The following RGS6 variants were observed in gnomAD, a reference collection of about 807,000 sequenced individuals.
RGS6 encodes regulator of G-protein signaling 6.
Under a neutral mutation model 78.5 loss-of-function variants are expected in RGS6, and 30 were observed. That is an observed-to-expected ratio of 0.38 (90% CI 0.29 to 0.52). The LOEUF is 0.52. RGS6 is among the 20% of genes least tolerant of loss of function. RGS6 has a pLI of 0.85. For synonymous variants in RGS6, 206 were observed against 206.0 expected, an observed-to-expected ratio of 1.00 and a Z score of 0.00; for missense variants, 495 against 609.7, an observed-to-expected ratio of 0.81 and a Z score of 1.98.
chr14:72,425,444 G>A (rs1405914901), intron 3 of RGS6, among the ~76,000 whole-genome samples: 1 of 152,092 alleles, frequency 6.6e-6, no homozygotes, highest in Non-Finnish European at 1.5e-5. Context: ...CGGCCAGAAG[G>A]GGAAAATCTT....
chr14:71,880,324 G>A, the RGS6 span, among the ~76,000 whole-genome samples: 6 of 152,248 alleles, frequency 3.9e-5, no homozygotes, highest in Non-Finnish European at 8.8e-5. Context: ...AGAAATTCAA[G>A]CCAGCTGCAG....
chr14:72,172,884 T>C (rs979222035), intron 2 of RGS6, among the ~76,000 whole-genome samples: 5 of 152,168 alleles, frequency 3.3e-5, no homozygotes, highest in Admixed American at 3.3e-4. Flanking sequence ...GGCTGAGCTA[T>C]GGTGACATTT....
intron 2 of RGS6, among the ~76,000 whole-genome samples, chr14:72,312,329 C>T (rs1045194748): frequency 1.3e-5 from 2 of 150,612 alleles, no homozygotes; most frequent in Non-Finnish European, 2.9e-5. Context: ...AAGAAATTCT[C>T]ATGCAGTTCT....
At chr14:72,232,870 C>G (rs925994537) in intron 2 of RGS6, among the ~76,000 whole-genome samples, 5 of 152,140 alleles carry the variant, frequency 3.3e-5, no homozygotes, top group Admixed American at 3.3e-4. Context: ...ATTGACTGCC[C>G]TGGGAGGGCC....
the RGS6 span, among the ~76,000 whole-genome samples, chr14:71,907,689 G>C: frequency 6.6e-6 from 1 of 152,248 alleles, no homozygotes; most frequent in East Asian, 1.9e-4. Context: ...GGTGGGAAAG[G>C]CAGATTCAAG....
intron 17 of RGS6, among the ~76,000 whole-genome samples, chr14:72,543,740 A>G (rs540768737): frequency 6.6e-6 from 1 of 152,208 alleles, no homozygotes; most frequent in South Asian, 2.1e-4. Context: ...TGAAATGCTC[A>G]CCCTCCCACT....
chr14:72,445,093 C>T (rs1405783724), intron 3 of RGS6, among the ~76,000 whole-genome samples: 1 of 152,230 alleles, frequency 6.6e-6, no homozygotes, highest in Non-Finnish European at 1.5e-5. Flanking sequence ...GTCCTCTTCC[C>T]AGTGACAGCC....
At chr14:72,042,941 G>GT (rs2092546148) in intron 2 of RGS6, among the ~76,000 whole-genome samples, 1 of 152,166 alleles carries the variant, frequency 6.6e-6, no homozygotes, top group Non-Finnish European at 1.5e-5. Flanking sequence ...TTGAAAAAGT[G>GT]TGAGAGTGTT....
intron 3 of RGS6, among the ~76,000 whole-genome samples, chr14:72,422,131 A>C (rs1174594383): frequency 6.6e-6 from 1 of 152,168 alleles, no homozygotes; most frequent in Non-Finnish European, 1.5e-5. Flanking sequence ...CATCTATGTA[A>C]GACATGACTT....
intron 3 of RGS6, among the ~76,000 whole-genome samples, chr14:72,369,968 AT>A (rs952041421): frequency 6.6e-6 from 1 of 152,054 alleles, no homozygotes; most frequent in Non-Finnish European, 1.5e-5. Context: ...ATTTTTTCAG[AT>A]TTTTTTCTCC....
chr14:72,540,456 C>T (rs1440054436), intron 17 of RGS6: 8 of 1,515,988 alleles, frequency 5.3e-6, no homozygotes, highest in South Asian at 5.0e-5. Flanking sequence ...CGAACTATAC[C>T]GTGAAATAAA....
intron 2 of RGS6, among the ~76,000 whole-genome samples, chr14:72,177,424 A>G (rs915750092): frequency 6.6e-6 from 1 of 152,220 alleles, no homozygotes; most frequent in Non-Finnish European, 1.5e-5. Flanking sequence ...GCAGAAAGGC[A>G]GGATGCTGGA....
chr14:72,515,367 A>G (rs1031188519), intron 14 of RGS6, among the ~76,000 whole-genome samples: 1 of 152,148 alleles, frequency 6.6e-6, no homozygotes, highest in Non-Finnish European at 1.5e-5. Context: ...ATAAAAGTTT[A>G]TTAAATTTGA....
intron 2 of RGS6, among the ~76,000 whole-genome samples, chr14:72,324,368 T>G (rs1251050398): frequency 3.3e-5 from 5 of 152,238 alleles, no homozygotes; most frequent in Admixed American, 1.3e-4. Context: ...ACTATTCTTT[T>G]TTTTTTAATT....
At chr14:72,498,855 C>T (rs1456343629) in intron 13 of RGS6, among the ~76,000 whole-genome samples, 1 of 152,192 alleles carries the variant, frequency 6.6e-6, no homozygotes, top group Non-Finnish European at 1.5e-5. Context: ...TTCCCCTGAG[C>T]AGTTCACACA....
At chr14:72,356,191 A>G (rs2080233692) in intron 3 of RGS6, among the ~76,000 whole-genome samples, 1 of 152,126 alleles carries the variant, frequency 6.6e-6, no homozygotes, top group Non-Finnish European at 1.5e-5. Flanking sequence ...TAATCCCCAC[A>G]TGGCAAGGGA....
At chr14:72,230,193 T>C (rs1291110963) in intron 2 of RGS6, among the ~76,000 whole-genome samples, 1 of 152,230 alleles carries the variant, frequency 6.6e-6, no homozygotes, top group African/African-American at 2.4e-5. Flanking sequence ...TAGTTATTCC[T>C]GGATCTAGCG....
At chr14:72,053,846 A>G (rs2093471201) in intron 2 of RGS6, among the ~76,000 whole-genome samples, 1 of 152,202 alleles carries the variant, frequency 6.6e-6, no homozygotes, top group Non-Finnish European at 1.5e-5. Flanking sequence ...TCTGGCTGCC[A>G]CCTGTCAAAA....
chr14:72,542,290 G>A (rs2097337710), intron 17 of RGS6, among the ~76,000 whole-genome samples: 1 of 152,200 alleles, frequency 6.6e-6, no homozygotes, highest in Non-Finnish European at 1.5e-5. Flanking sequence ...TATGACCCAT[G>A]TGTTGGCTCT....
Sources: gnomAD v4.1 joint callset for allele counts (sites outside exome capture counted in the v4.1 genomes callset) on GRCh38, gnomAD v4.1.1 for gene constraint, MANE v1.5 for transcripts, NCBI Gene and HGNC (gene_info 2026-07-23, HGNC 2026-07-21) for gene names.